PPP1R17: variants seen among roughly 807,000 people sequenced by gnomAD.
PPP1R17 encodes the protein protein phosphatase 1 regulatory subunit 17, also known as G-substrate.
Under a neutral mutation model 15.9 loss-of-function variants are expected in PPP1R17, and 12 were observed. That is an observed-to-expected ratio of 0.75 (90% confidence interval 0.48 to 1.22). The LOEUF (loss-of-function observed/expected upper bound fraction) is 1.22, where lower values mean the gene tolerates loss of function less well. PPP1R17 is among the 50% of genes most tolerant of loss of function. The pLI is 0.00. For missense variants in PPP1R17, 211 were observed against 187.3 expected, an observed-to-expected ratio of 1.13 and a Z score of -0.74; for synonymous variants, 63 against 64.5, an observed-to-expected ratio of 0.98 and a Z score of 0.11.
At chr7:31,700,395 G>A (rs1404111838) in intron 4 of PPP1R17, among the ~76,000 whole-genome samples, 4 of 152,186 alleles carry the variant, frequency 2.6e-5, no homozygotes, top group African/African-American at 9.7e-5. Context: ...TGAAGGTTGA[G>A]AGAGGGGAGG....
intron 1 of PPP1R17, among the ~76,000 whole-genome samples, chr7:31,687,913 G>A (rs1379332337): frequency 6.6e-6 from 1 of 152,176 alleles, no homozygotes; most frequent in East Asian, 1.9e-4. Context: ...AATACCGTAT[G>A]GTAAGCTAAG....
intron 4 of PPP1R17, among the ~76,000 whole-genome samples, chr7:31,702,451 A>G (rs577590649): frequency 2.7e-4 from 41 of 152,258 alleles, no homozygotes; most frequent in African/African-American, 9.4e-4. Context: ...ACTCCATCAC[A>G]TGCTTTCCCT....
At chr7:31,690,058 A>G (rs1792275246) in intron 1 of PPP1R17, among the ~76,000 whole-genome samples, 1 of 152,204 alleles carries the variant, frequency 6.6e-6, no homozygotes, top group South Asian at 2.1e-4. Context: ...GGCCTCTGAC[A>G]TGTTTGATTA....
intron 4 of PPP1R17, among the ~76,000 whole-genome samples, chr7:31,703,246 G>A (rs1056797709): frequency 2.0e-5 from 3 of 152,156 alleles, no homozygotes; most frequent in Non-Finnish European, 4.4e-5. Context: ...AACCATTTCT[G>A]AAGGTGAGGA....
At chr7:31,692,325 A>G (rs1457210394) in intron 1 of PPP1R17, 81 bp from the exon 2 acceptor site, 2 of 841,820 alleles carry the variant, frequency 2.4e-6, no homozygotes, top group South Asian at 1.8e-5. Context: ...CAGGTGCTCA[A>G]CAAATATATT....
intron 1 of PPP1R17, among the ~76,000 whole-genome samples, chr7:31,690,744 C>T (rs1451515389): frequency 2.6e-5 from 4 of 152,160 alleles, no homozygotes; most frequent in Non-Finnish European, 1.5e-5. Flanking sequence ...AAGGTACTAA[C>T]AGCAGATAGG....
chr7:31,698,116 G>T (rs910939632), intron 4 of PPP1R17, among the ~76,000 whole-genome samples: 1 of 152,160 alleles, frequency 6.6e-6, no homozygotes, highest in Non-Finnish European at 1.5e-5. Flanking sequence ...TGGAATCTTA[G>T]CATTATAGGA....
chr7:31,701,988 A>G (rs1792867608), intron 4 of PPP1R17, among the ~76,000 whole-genome samples: 1 of 152,212 alleles, frequency 6.6e-6, no homozygotes, highest in Non-Finnish European at 1.5e-5. Flanking sequence ...AAGAACCTGC[A>G]AGATCTCTGA....
chr7:31,696,644 C>CACCT (rs1396268696), intron 3 of PPP1R17, among the ~76,000 whole-genome samples: 3 of 152,170 alleles, frequency 2.0e-5, no homozygotes, highest in African/African-American at 7.2e-5. Context: ...TGCTCTGTGA[C>CACCT]ACCTATGAGC....
At chr7:31,705,379 A>G (rs890784953) in intron 4 of PPP1R17, among the ~76,000 whole-genome samples, 5 of 152,194 alleles carry the variant, frequency 3.3e-5, no homozygotes, top group African/African-American at 1.2e-4. Context: ...TTTGGGGCTC[A>G]GCATAGCTAA....
intron 2 of PPP1R17, among the ~76,000 whole-genome samples, chr7:31,694,182 G>A (rs1310847845): frequency 6.6e-6 from 1 of 152,104 alleles, no homozygotes; most frequent in African/African-American, 2.4e-5. Flanking sequence ...CAAAAATGCT[G>A]TGGATATTAA....
intron 1 of PPP1R17, among the ~76,000 whole-genome samples, chr7:31,689,576 C>T (rs776471085): frequency 2.6e-5 from 4 of 151,950 alleles, no homozygotes; most frequent in East Asian, 3.9e-4. Context: ...AGAATTAGAC[C>T]GGCTCATGTC....
chr7:31,692,577 C>A (rs1224109812), intron 2 of PPP1R17, 54 bp downstream of exon 2: 1 of 1,515,018 alleles, frequency 6.6e-7, no homozygotes, highest in African/African-American at 1.4e-5. Flanking sequence ...GAAGAGGCGT[C>A]TCAGCCATTT....
intron 1 of PPP1R17, among the ~76,000 whole-genome samples, chr7:31,690,506 A>G (rs997276961): frequency 6.6e-6 from 1 of 152,236 alleles, no homozygotes; most frequent in Non-Finnish European, 1.5e-5. Flanking sequence ...AGAGGGGGCA[A>G]AAATGATTCT....
At position 31,691,790 on chromosome 7, in the gene PPP1R17, T is replaced by C. The variant is rs563779394; in HGVS notation, c.-36-616T>C. 7.0e-3 allele frequency among the ~76,000 whole-genome samples: 681 copies of C among 97,772 alleles called. 7 individuals carry two copies. Among genetic ancestry groups the C allele is most frequent in the African/African-American group, 0.023 (620 of 26,392 alleles). The allele number at this position is 97,772 out of a possible 152,430, so 64.1% of individuals were successfully genotyped here. Reference sequence around the variant, plus strand: ...TACTTTATACAATAGTTGTAGAATGTAATGATTAAAAAAAAAAAAAAAAAA... The same window carrying C: ...TACTTTATACAATAGTTGTAGAATGCAATGATTAAAAAAAAAAAAAAAAAA... On this transcript the variant is annotated intron_variant, in intron 1 of 4. Coordinates refer to ENST00000342032, the MANE Select transcript of PPP1R17 (RefSeq NM_006658.5).
In PPP1R17 at chr7:31,708,324, C is replaced by T. The variant is rs1211124011; in HGVS notation, c.*1041C>T. ...GAGGAAAAGTAGATACGCAAATTGT[C>T]ACAACTAAGAGTGATAATTTGGTAG... On this transcript the variant is annotated 3_prime_UTR_variant, in exon 5 of 5. Transcript: ENST00000342032. 2.0e-5 allele frequency: 3 copies of T among 152,208 alleles called. No individual in the cohort carries two copies. In the East Asian group the frequency reaches 5.8e-4, roughly 29 times the overall value. 9.4% of individuals were successfully genotyped at this position (152,208 alleles called of 1,614,324 possible). A position where few individuals can be genotyped will look rare whatever the true frequency, so the allele number is the denominator to read the frequency against.
intron 4 of PPP1R17, among the ~76,000 whole-genome samples, chr7:31,700,441 A>G (rs1455741804): frequency 1.3e-5 from 2 of 152,200 alleles, no homozygotes; most frequent in Non-Finnish European, 2.9e-5. Flanking sequence ...AGGTAGCAGA[A>G]TTTGATTCAT....
chr7:31,687,664 C>G (rs1338851163), intron 1 of PPP1R17, among the ~76,000 whole-genome samples: 2 of 152,214 alleles, frequency 1.3e-5, no homozygotes, highest in Non-Finnish European at 2.9e-5. Context: ...TTAAGTCAGT[C>G]TCTCCTCCAG....
chr7:31,698,020 T>A (rs1792675791), intron 4 of PPP1R17, among the ~76,000 whole-genome samples: 1 of 152,158 alleles, frequency 6.6e-6, no homozygotes, highest in African/African-American at 2.4e-5. Flanking sequence ...ATGATCAAGA[T>A]CAAACACTAA....
Sources: allele counts gnomAD v4.1 joint callset (sites outside exome capture counted in the v4.1 genomes callset), GRCh38; gene constraint gnomAD v4.1.1; transcripts MANE v1.5; gene names NCBI Gene and HGNC (gene_info 2026-07-23, HGNC 2026-07-21).